The following TFEC variants were observed in gnomAD, a reference collection of about 807,000 sequenced individuals.
TFEC encodes the protein transcription factor EC.
In TFEC, 31 loss-of-function variants were observed where a neutral mutation model predicts 41.6. The observed-to-expected ratio is 0.74, with a 90% CI of 0.56 to 1.01. TFEC has a LOEUF of 1.01. Among genes scored for constraint, TFEC ranks in the 50% least tolerant of loss-of-function variants. TFEC has a pLI of 0.00. For synonymous variants in TFEC, 143 were observed against 140.6 expected, an observed-to-expected ratio of 1.02 and a Z score of -0.12; for missense variants, 402 against 404.1, an observed-to-expected ratio of 0.99 and a Z score of 0.04.
chr7:116,064,939 A>G (rs1288440917), intron 3 of TFEC, among the ~76,000 whole-genome samples: 2 of 152,188 alleles, frequency 1.3e-5, no homozygotes, highest in Non-Finnish European at 2.9e-5. Context: ...TAATAAAACC[A>G]TGGAGATTAA....
intron 3 of TFEC, among the ~76,000 whole-genome samples, chr7:116,103,112 G>A (rs1469748408): frequency 1.3e-5 from 2 of 152,086 alleles, no homozygotes; most frequent in African/African-American, 2.4e-5. Flanking sequence ...TGGTAATAAC[G>A]ATTACCTGAA....
chr7:115,962,568 G>T (rs1227715983), intron 3 of TFEC, among the ~76,000 whole-genome samples: 18 of 151,672 alleles, frequency 1.2e-4, no homozygotes, highest in Admixed American at 1.1e-3. Context: ...TTTGACAAAG[G>T]TGCCAAGACC....
intron 1 of TFEC, among the ~76,000 whole-genome samples, chr7:116,127,834 T>C (rs1798247769): frequency 6.6e-6 from 1 of 152,138 alleles, no homozygotes; most frequent in Admixed American, 6.6e-5. Context: ...TGTTATGGCT[T>C]ATCTATGTTG....
chr7:116,097,167 C>T (rs906876634), intron 3 of TFEC, among the ~76,000 whole-genome samples: 2 of 151,872 alleles, frequency 1.3e-5, no homozygotes, highest in Admixed American at 6.6e-5. Context: ...ATTTTCTATA[C>T]TTTACGCAAA....
At chr7:116,117,782 C>A (rs1798024241) in intron 1 of TFEC, among the ~76,000 whole-genome samples, 1 of 151,862 alleles carries the variant, frequency 6.6e-6, no homozygotes, top group Non-Finnish European at 1.5e-5. Context: ...GTCCAAATAG[C>A]TACCAATTAA....
At chr7:115,953,398 T>C (rs777437467) in intron 5 of TFEC, among the ~76,000 whole-genome samples, 1 of 152,130 alleles carries the variant, frequency 6.6e-6, no homozygotes, top group Non-Finnish European at 1.5e-5. Flanking sequence ...TTAAAACTTA[T>C]AATTTTTTAA....
chr7:116,049,199 A>G (rs1584451687), intron 3 of TFEC, among the ~76,000 whole-genome samples: 1 of 152,210 alleles, frequency 6.6e-6, no homozygotes, highest in African/African-American at 2.4e-5. Flanking sequence ...TTGGATAAAG[A>G]GTCAAGAGCC....
intron 3 of TFEC, among the ~76,000 whole-genome samples, chr7:115,970,722 G>C (rs1464449140): frequency 2.6e-5 from 4 of 151,818 alleles, no homozygotes; most frequent in African/African-American, 7.3e-5. Flanking sequence ...TATTCACATA[G>C]GAGCTAGTTA....
chr7:115,977,684 A>T (rs529194600), intron 2 of TFEC, among the ~76,000 whole-genome samples: 48 of 152,154 alleles, frequency 3.2e-4, no homozygotes, highest in African/African-American at 1.1e-3. Flanking sequence ...TTTGTGATCT[A>T]AGTAACTCTA....
intron 1 of TFEC, among the ~76,000 whole-genome samples, chr7:116,127,942 T>C (rs1327681735): frequency 6.6e-6 from 1 of 152,142 alleles, no homozygotes; most frequent in Non-Finnish European, 1.5e-5. Flanking sequence ...TTAATCCATC[T>C]AAATATATGT....
At chr7:116,062,848 AAT>A in intron 3 of TFEC, among the ~76,000 whole-genome samples, 1 of 152,206 alleles carries the variant, frequency 6.6e-6, no homozygotes, top group East Asian at 1.9e-4. Context: ...TGCTGGTAGG[AAT>A]GTTTAATGGT....
intron 2 of TFEC, among the ~76,000 whole-genome samples, chr7:115,977,320 A>G (rs1001986162): frequency 6.6e-6 from 1 of 152,076 alleles, no homozygotes; most frequent in African/African-American, 2.4e-5. Flanking sequence ...AAAAATGGAG[A>G]TAATAGGCAT....
chr7:116,040,544 C>T (rs531798562), intron 3 of TFEC, among the ~76,000 whole-genome samples: 1 of 152,100 alleles, frequency 6.6e-6, no homozygotes, highest in Non-Finnish European at 1.5e-5. Flanking sequence ...TTTTGCTTTA[C>T]AATAGCATTT....
At chr7:115,999,425 T>G (rs979091151) in intron 1 of TFEC, among the ~76,000 whole-genome samples, 1 of 151,982 alleles carries the variant, frequency 6.6e-6, no homozygotes, top group South Asian at 2.1e-4. Context: ...ACAATGCATC[T>G]TAAAGAAATA....
At chr7:116,007,873 ATAT>A (rs1202667936) in intron 1 of TFEC, among the ~76,000 whole-genome samples, 1 of 152,244 alleles carries the variant, frequency 6.6e-6, no homozygotes, top group Non-Finnish European at 1.5e-5. Context: ...TTCTTTTAAA[ATAT>A]TATCTTTCTA....
chr7:115,988,554 A>G (rs1793960550), intron 1 of TFEC, among the ~76,000 whole-genome samples: 1 of 152,114 alleles, frequency 6.6e-6, no homozygotes, highest in Non-Finnish European at 1.5e-5. Flanking sequence ...CAAAAAAAGA[A>G]ACAAAAAAGA....
At chr7:115,963,528 C>A (rs1310037608) in intron 3 of TFEC, among the ~76,000 whole-genome samples, 2 of 151,596 alleles carry the variant, frequency 1.3e-5, no homozygotes, top group Non-Finnish European at 3.0e-5. Context: ...AAATGTCCAT[C>A]AACAGATGAA....
chr7:115,941,726 T>C lies in TFEC; in HGVS notation c.663+167A>G, dbSNP rs999516251. The C allele has an allele frequency of 6.3e-6, 5 of 794,070 alleles. No individual in the cohort carries two copies. The African/African-American group carries it at 8.7e-5, about 14-fold the overall frequency. 49.2% of individuals were successfully genotyped at this position (794,070 alleles called of 1,614,324 possible). A position where few individuals can be genotyped will look rare whatever the true frequency, so the allele number is the denominator to read the frequency against. On this transcript the variant is annotated intron_variant, in intron 7 of 7. Transcript: ENST00000265440. ...TGATCCTGGATTTCTAGTCAAATCC[T>C]AATTGAAACAACCCAATTCACGAAC...
At chr7:116,126,561 T>C (rs145921547) in intron 1 of TFEC, among the ~76,000 whole-genome samples, 20 of 152,156 alleles carry the variant, frequency 1.3e-4, no homozygotes, top group African/African-American at 4.8e-4. Flanking sequence ...TCAAGAAATT[T>C]TAGTGAAAAA....
Sources: allele counts gnomAD v4.1 joint callset (sites outside exome capture counted in the v4.1 genomes callset), GRCh38; gene constraint gnomAD v4.1.1; transcripts MANE v1.5; gene names NCBI Gene and HGNC (gene_info 2026-07-23, HGNC 2026-07-21).